Variants in BZW1 observed in about 807,000 individuals in gnomAD.
BZW1 encodes eIF5-mimic protein 2.
A neutral mutation model predicts 54.1 loss-of-function variants in BZW1; 3 were observed. The ratio of observed to expected loss-of-function variants is 0.06; its 90% CI spans 0.03 to 0.14. The LOEUF is 0.14. Ranked by LOEUF, BZW1 falls within the 10% of genes least tolerant of loss-of-function variation. The pLI, the probability that BZW1 is intolerant of heterozygous loss-of-function variation, is 1.00. For missense variants in BZW1, 206 were observed against 491.7 expected (o/e 0.42, Z 5.50); for synonymous variants, 152 against 162.7 (o/e 0.93, Z 0.50).
At chr2:200,812,397 A>C in intron 1 of BZW1, 1 of 1,279,822 alleles carries the variant, frequency 7.8e-7, no homozygotes, top group Non-Finnish European at 9.9e-7. Flanking sequence ...CTTTCGCTGG[A>C]GGGCGGGCGG....
In BZW1 at chr2:200,818,366, G is replaced by C; in HGVS notation, c.792G>C (p.Gln264His). The change falls in exon 8 of 12, where the codon CAG becomes CAC. Residue 264 changes from glutamine to histidine, a missense_variant. Gln to His is a conservative substitution (Grantham distance 24). Transcript: ENST00000409600. ...AGCTCCAGAAAGAACTTCAAGAACA[G>C]ATGTCCCGTGGTGATCCATTTAAGG... is the stretch of plus-strand genomic sequence containing the variant. ...RKELQKELQE[Q>H]MSRGDPFKDI... The C allele has an allele frequency of 6.3e-7, 1 of 1,599,490 alleles. No individual in the cohort carries two copies. The highest frequency in any genetic ancestry group is 8.5e-7 in the Non-Finnish European group (1 of 1,176,754).
At chr2:200,812,979 TCACAG>T in intron 1 of BZW1, 1 of 689,100 alleles carries the variant, frequency 1.5e-6, no homozygotes, top group Non-Finnish European at 2.7e-6. Context: ...TAAAAGTAGT[TCACAG>T]CACTAATTTG....
At chr2:200,813,443 T>G (rs1453686153) in intron 2 of BZW1, 162 bp downstream of exon 2, 3 of 607,096 alleles carry the variant, frequency 4.9e-6, no homozygotes, top group Non-Finnish European at 8.5e-6. Context: ...CCTTTAATAT[T>G]TCTACTGCTT....
chr2:200,812,572 G>C (rs375177474), intron 1 of BZW1: 2 of 1,411,464 alleles, frequency 1.4e-6, no homozygotes, highest in Admixed American at 2.9e-5. Flanking sequence ...CGGGTGATCT[G>C]TGGCTCGGGC....
intron 6 of BZW1, among the ~76,000 whole-genome samples, 179 bp from the exon 7 acceptor site, chr2:200,817,795 A>G (rs1217912548): frequency 6.6e-6 from 1 of 152,202 alleles, no homozygotes; most frequent in Non-Finnish European, 1.5e-5. Context: ...ACAATTTGCA[A>G]GTGGTAGACT....
intron 1 of BZW1, chr2:200,812,261 G>A (rs986709292): frequency 1.1e-4 from 136 of 1,232,122 alleles, no homozygotes; most frequent in Non-Finnish European, 1.3e-4. Context: ...CTCCCTCTGG[G>A]CCGTGCCCGG....
At chr2:200,821,521 A>G (rs2038510469) in intron 11 of BZW1, among the ~76,000 whole-genome samples, 1 of 152,016 alleles carries the variant, frequency 6.6e-6, no homozygotes, top group African/African-American at 2.4e-5. Context: ...GAAAATTTTG[A>G]GAATATTTAA....
chr2:200,815,628 TTTTTGGTTTTGTTGTA>T (rs748779193), intron 3 of BZW1, 23 bp from the exon 4 acceptor site: 1 of 1,583,200 alleles, frequency 6.3e-7, no homozygotes, highest in Non-Finnish European at 8.6e-7. Context: ...TGGAGTGATT[TTTTTGGTTTTGTTGTA>T]TTTTGGTTTT....
chr2:200,819,628 T>C (rs1257472419), intron 9 of BZW1, among the ~76,000 whole-genome samples: 1 of 133,720 alleles, frequency 7.5e-6, no homozygotes, highest in Non-Finnish European at 1.8e-5. Flanking sequence ...TGATGTGATC[T>C]CAGCTCACTG....
At chr2:200,820,312 A>G in intron 10 of BZW1, 192 bp downstream of exon 10, 2 of 437,384 alleles carry the variant, frequency 4.6e-6, no homozygotes, top group Non-Finnish European at 8.0e-6. Flanking sequence ...CCTATTCACA[A>G]GTTGAAGTAT....
chr2:200,822,052 G>C (rs1448884104), intron 11 of BZW1, 95 bp from the exon 12 acceptor site: 2 of 1,205,350 alleles, frequency 1.7e-6, no homozygotes, highest in Non-Finnish European at 2.4e-6. Flanking sequence ...CTGTGGGACA[G>C]AGGGAGACTC....
chr2:200,817,757 A>G (rs2038347258), intron 6 of BZW1, among the ~76,000 whole-genome samples: 1 of 152,132 alleles, frequency 6.6e-6, no homozygotes, highest in Non-Finnish European at 1.5e-5. Context: ...ACTTTGGAAA[A>G]CACTTTAAGT....
intron 2 of BZW1, among the ~76,000 whole-genome samples, chr2:200,814,816 TAGG>T (rs1378204273): frequency 4.6e-5 from 7 of 152,182 alleles, no homozygotes; most frequent in Non-Finnish European, 1.0e-4. Flanking sequence ...TTCTGAATAA[TAGG>T]GGGAAAAATC....
chr2:200,814,926 A>G (rs2038231460), intron 2 of BZW1, among the ~76,000 whole-genome samples: 1 of 152,240 alleles, frequency 6.6e-6, no homozygotes, highest in Non-Finnish European at 1.5e-5. Flanking sequence ...TCACCTTCAT[A>G]AATGCCAAAG....
chr2:200,817,672 G>A (rs11685853), intron 6 of BZW1, among the ~76,000 whole-genome samples: 69,915 of 151,726 alleles, frequency 0.46, 16,805 homozygotes, highest in Non-Finnish European at 0.55. Flanking sequence ...GCTTGCAGTA[G>A]TGAGTATTTA....
rs2038445576 is a variant in BZW1 at position 200,819,910 on chromosome 2, G to C, written c.967-72G>C. ...AGATGAGTTAAGTTCTATATTGTCT[G>C]TATTGTAGGAGTTTTGTAATGGATG... On this transcript the variant is annotated intron_variant, in intron 9 of 11. Coordinates refer to ENST00000409600, the MANE Select transcript of BZW1 (RefSeq NM_001207067.2). The C allele has an allele frequency of 9.1e-6, 12 of 1,311,832 alleles. 1 individual carries two copies. The South Asian group carries it at 2.1e-4, about 22-fold the overall frequency. The allele number at this position is 1,311,832 out of a possible 1,614,324, so 81.3% of individuals were successfully genotyped here. A position where few individuals can be genotyped will look rare whatever the true frequency, so the allele number is the denominator to read the frequency against.
In BZW1 at chr2:200,824,708, T is replaced by C. The variant is rs2038645766; in HGVS notation, c.*2530T>C. The C allele has an allele frequency of 6.8e-6, 1 of 147,694 alleles. No homozygotes were observed. Among genetic ancestry groups the C allele is most frequent in the African/African-American group, 2.5e-5 (1 of 39,692 alleles). The allele number at this position is 147,694 out of a possible 1,614,324, so 9.1% of individuals were successfully genotyped here. ...TTTTTTTTGAGACGGAGTCTCGCTC[T>C]GTCACCAGGCTGGAGTGCAGTGGCG... On this transcript the variant is annotated 3_prime_UTR_variant, in exon 12 of 12. Transcript: ENST00000409600.
At chr2:200,812,093 G>A in intron 1 of BZW1, 103 bp downstream of exon 1, 2 of 588,662 alleles carry the variant, frequency 3.4e-6, no homozygotes, top group Non-Finnish European at 5.0e-6. Flanking sequence ...GGCTTGGATG[G>A]GCCCGAACGG....
chr2:200,817,341 T>A (rs2038332685), intron 6 of BZW1, 100 bp downstream of exon 6: 2 of 1,398,960 alleles, frequency 1.4e-6, no homozygotes, highest in Non-Finnish European at 2.0e-6. Flanking sequence ...AGTCTTCGTT[T>A]ATTAACCAGC....
Sources: allele counts gnomAD v4.1 joint callset (sites outside exome capture counted in the v4.1 genomes callset), GRCh38; gene constraint gnomAD v4.1.1; transcripts MANE v1.5; gene names NCBI Gene and HGNC (gene_info 2026-07-23, HGNC 2026-07-21).